SMYD3: variants seen among roughly 807,000 people sequenced by gnomAD.
SMYD3 encodes histone-lysine N-methyltransferase SMYD3.
SMYD3 carries 36 observed loss-of-function variants against 57.7 expected under a neutral mutation model. That is an observed-to-expected ratio of 0.62 (90% CI 0.48 to 0.82). The LOEUF (loss-of-function observed/expected upper bound fraction) is 0.82, where lower values mean the gene tolerates loss of function less well. Ranked by LOEUF, SMYD3 falls within the 40% of genes least tolerant of loss-of-function variation. The probability of loss-of-function intolerance (pLI) is 0.00; values close to 1 mark genes in which losing one functional copy is unlikely to be tolerated. For synonymous variants in SMYD3, 211 were observed against 195.0 expected, an observed-to-expected ratio of 1.08 and a Z score of -0.68; for missense variants, 515 against 538.8, an observed-to-expected ratio of 0.96 and a Z score of 0.44.
At chr1:246,282,034 G>A (rs1197007313) in intron 5 of SMYD3, among the ~76,000 whole-genome samples, 2 of 152,094 alleles carry the variant, frequency 1.3e-5, no homozygotes, top group African/African-American at 4.8e-5. Context: ...AAGACCAAAT[G>A]ATGTGAAAAA....
At chr1:245,851,910 T>C (rs1284769485) in intron 10 of SMYD3, among the ~76,000 whole-genome samples, 2 of 152,206 alleles carry the variant, frequency 1.3e-5, no homozygotes, top group East Asian at 1.9e-4. Context: ...ACAGGCTTTA[T>C]GCATGTTCTG....
chr1:246,302,610 T>G (rs2148616699), intron 5 of SMYD3, among the ~76,000 whole-genome samples: 1 of 152,242 alleles, frequency 6.6e-6, no homozygotes, highest in Middle Eastern at 3.4e-3. Context: ...CTGAATAGAA[T>G]GGGTTAGGGT....
Position 245,927,966 on chromosome 1 carries a change from G to A in SMYD3, c.667C>T (p.Leu223=), listed in dbSNP as rs753782195. 9.3e-6 allele frequency: 15 copies of A among 1,612,726 alleles called. No individual in the cohort carries two copies. The highest frequency in any genetic ancestry group is 1.3e-5 in the Non-Finnish European group (15 of 1,179,282). Residue 223 remains leucine (L), a synonymous_variant, in exon 7 of 12, where the codon CTG becomes TTG. Coordinates refer to ENST00000490107, the MANE Select transcript of SMYD3 (RefSeq NM_001167740.2). ...SIVFNGPHLL[L]RAVRDIEVGE... ...ACCTCGATGTCTCGGACTGCTCGCAGTAAGAGGTGGGGCCCATTGAACACA... is the reference window on the plus strand; with the variant it reads ...ACCTCGATGTCTCGGACTGCTCGCAATAAGAGGTGGGGCCCATTGAACACA...
intron 5 of SMYD3, among the ~76,000 whole-genome samples, chr1:246,227,380 C>A (rs1244872451): frequency 2.6e-5 from 4 of 152,178 alleles, no homozygotes; most frequent in African/African-American, 9.7e-5. Context: ...CTTTGGGAGG[C>A]CAAGGCAGGT....
intron 5 of SMYD3, among the ~76,000 whole-genome samples, chr1:246,057,909 TTATTTAGCACTAAAAGTAAGTGA>T (rs772658243): frequency 5.9e-5 from 9 of 152,278 alleles, no homozygotes; most frequent in Non-Finnish European, 1.2e-4. Flanking sequence ...CAATGGACAA[TTATTTAGCACTAAAAGTAAGTGA>T]TGTTATCAAG....
chr1:246,088,565 ATG>A (rs2060766439), intron 5 of SMYD3, among the ~76,000 whole-genome samples: 4 of 131,424 alleles, frequency 3.0e-5, no homozygotes, highest in Middle Eastern at 3.7e-3. Flanking sequence ...AGCCGAGATC[ATG>A]CCACTGCACT....
chr1:246,494,338 C>T (rs1012142989), intron 1 of SMYD3, among the ~76,000 whole-genome samples: 6 of 152,216 alleles, frequency 3.9e-5, no homozygotes, highest in Admixed American at 3.9e-4. Flanking sequence ...ATCTCTACCA[C>T]TTATTTCACT....
At chr1:246,463,027 T>C (rs1339015640) in intron 1 of SMYD3, among the ~76,000 whole-genome samples, 1 of 151,028 alleles carries the variant, frequency 6.6e-6, no homozygotes, top group Non-Finnish European at 1.5e-5. Flanking sequence ...GGAAGGAAAA[T>C]GAAATGAACT....
chr1:246,479,401 C>A (rs1177530239), intron 1 of SMYD3, among the ~76,000 whole-genome samples: 3 of 151,958 alleles, frequency 2.0e-5, no homozygotes, highest in Admixed American at 6.6e-5. Context: ...TCATTTAATA[C>A]ACTTTTGTTG....
At chr1:245,821,159 A>G (rs1026150822) in intron 10 of SMYD3, among the ~76,000 whole-genome samples, 10 of 150,238 alleles carry the variant, frequency 6.7e-5, no homozygotes, top group Non-Finnish European at 1.3e-4. Flanking sequence ...CTACAAGGCT[A>G]CAGTAACCAA....
At chr1:246,207,773 T>C (rs1047136284) in intron 5 of SMYD3, among the ~76,000 whole-genome samples, 3 of 152,082 alleles carry the variant, frequency 2.0e-5, no homozygotes, top group Admixed American at 6.6e-5. Context: ...TAGGGGAGAA[T>C]TTGCTTAAGA....
In SMYD3 at chr1:246,002,336, C is replaced by T. The variant is rs577412571; in HGVS notation, c.532-72399G>A. ...AGTAGCTGGGACTGCAGGCTCCCGC[C>T]ACCACGCCCGGCTAATTTTTTGTAT... On this transcript the variant is annotated intron_variant, in intron 5 of 11. Transcript: ENST00000490107. Among the ~76,000 whole-genome samples, 31 of 67,632 alleles carry T rather than the reference C, an allele frequency of 4.6e-4. 7 individuals are homozygous for T. In the East Asian group the frequency reaches 7.9e-3, roughly 17 times the overall value. 44.4% of individuals were successfully genotyped at this position (67,632 alleles called of 152,430 possible). A position where few individuals can be genotyped will look rare whatever the true frequency, so the allele number is the denominator to read the frequency against.
intron 5 of SMYD3, among the ~76,000 whole-genome samples, chr1:246,000,899 A>C (rs1380138332): frequency 6.6e-6 from 1 of 152,240 alleles, no homozygotes; most frequent in African/African-American, 2.4e-5. Flanking sequence ...GAAACAGAAG[A>C]TCACATTTCT....
chr1:246,096,615 C>G (rs922014195), intron 5 of SMYD3, among the ~76,000 whole-genome samples: 1 of 152,168 alleles, frequency 6.6e-6, no homozygotes, highest in Non-Finnish European at 1.5e-5. Context: ...CTGATTAATA[C>G]GGGTACTTGG....
intron 5 of SMYD3, among the ~76,000 whole-genome samples, chr1:246,299,217 C>T (rs377061034): frequency 1.3e-5 from 2 of 152,048 alleles, no homozygotes; most frequent in East Asian, 3.8e-4. Context: ...TTTAATGTTA[C>T]ATGCAGCCAA....
intron 5 of SMYD3, among the ~76,000 whole-genome samples, chr1:246,303,729 A>G (rs2064934343): frequency 6.6e-6 from 1 of 152,178 alleles, no homozygotes; most frequent in African/African-American, 2.4e-5. Context: ...GAAGCCCTCA[A>G]TAAATATCAG....
At chr1:246,111,110 A>G (rs891295056) in intron 5 of SMYD3, among the ~76,000 whole-genome samples, 4 of 152,176 alleles carry the variant, frequency 2.6e-5, no homozygotes, top group Admixed American at 6.5e-5. Flanking sequence ...ATATATATAT[A>G]TAGTATATGA....
At chr1:246,018,144 G>A (rs967066340) in intron 5 of SMYD3, among the ~76,000 whole-genome samples, 13 of 152,130 alleles carry the variant, frequency 8.5e-5, no homozygotes, top group African/African-American at 2.7e-4. Context: ...GGAAATATAC[G>A]TATGTGGAAC....
chr1:246,060,335 GAGA>G (rs2060230064), intron 5 of SMYD3, among the ~76,000 whole-genome samples: 1 of 151,510 alleles, frequency 6.6e-6, no homozygotes, highest in Admixed American at 6.6e-5. Context: ...TTATATATCT[GAGA>G]AGATCTCCAT....
Sources: gnomAD v4.1 joint callset for allele counts (sites outside exome capture counted in the v4.1 genomes callset) on GRCh38, gnomAD v4.1.1 for gene constraint, MANE v1.5 for transcripts, NCBI Gene and HGNC (gene_info 2026-07-23, HGNC 2026-07-21) for gene names.